Variants in ABHD12B observed in about 807,000 individuals in gnomAD.
The protein encoded by ABHD12B is abhydrolase domain containing 12B.
ABHD12B carries 42 observed loss-of-function variants against 50.4 expected under a neutral mutation model. The observed-to-expected ratio is 0.83, with a 90% CI of 0.65 to 1.08. ABHD12B has a LOEUF of 1.08. Among genes scored for constraint, ABHD12B ranks in the 50% least tolerant of loss-of-function variants. The pLI is 0.00. For synonymous variants in ABHD12B, 167 were observed against 160.3 expected, an observed-to-expected ratio of 1.04 and a Z score of -0.32; for missense variants, 479 against 447.7, an observed-to-expected ratio of 1.07 and a Z score of -0.63.
rs1757524786 is a variant in ABHD12B, at chr14:50,901,850, T to C, written c.802T>C (p.Phe268Leu). 1 of 1,593,844 alleles carries C rather than the reference T, an allele frequency of 6.3e-7. No homozygotes were observed. Among genetic ancestry groups the C allele is most frequent in the Non-Finnish European group, 8.5e-7 (1 of 1,174,422 alleles). Residue 268 changes from phenylalanine (F) to leucine (L), a missense_variant, in exon 10 of 13, where the codon TTT becomes CTT. By Grantham distance (22) the Phe-to-Leu change is conservative. Transcript: ENST00000337334. ...LLKIYRNIPG[F>L]LRTLMDALRK... ...ATAGATTTACCGGAACATTCCAGGATTTTTACGTACACTTATGGATGCCCT... is the reference window on the plus strand; with the variant it reads ...ATAGATTTACCGGAACATTCCAGGACTTTTACGTACACTTATGGATGCCCT...
chr14:50,887,699 A>G (rs1042858646), intron 8 of ABHD12B, among the ~76,000 whole-genome samples: 2 of 152,162 alleles, frequency 1.3e-5, no homozygotes, highest in Non-Finnish European at 2.9e-5. Flanking sequence ...TATGGTAGGG[A>G]CAGATCACCT....
At position 50,881,626 on chromosome 14, in the gene ABHD12B, G is replaced by A. The variant is rs781294981; in HGVS notation, c.486G>A (p.Lys162=). ...CTTCGCACAGACTGAAGCTGGTAAAGGTATGTCTGAAGAGGCCTCAAAGCA... is the reference window on the plus strand; with the variant it reads ...CTTCGCACAGACTGAAGCTGGTAAAAGTATGTCTGAAGAGGCCTCAAAGCA... ...RAASHRLKLV[K]VLSDGGFHVL... Residue 162 remains lysine, a splice_region_variant and synonymous_variant, in exon 5 of 13, where the codon AAG becomes AAA. Transcript: ENST00000337334. The A allele has an allele frequency of 1.9e-6, 3 of 1,606,356 alleles. No homozygotes were observed. The highest frequency in any genetic ancestry group is 4.5e-5 in the East Asian group (2 of 44,508).
At chr14:50,873,080 T>G (rs990484911) in intron 1 of ABHD12B, among the ~76,000 whole-genome samples, 3 of 152,158 alleles carry the variant, frequency 2.0e-5, no homozygotes, top group African/African-American at 7.2e-5. Flanking sequence ...GTATTGGCAT[T>G]TTTACTTCCC....
intron 5 of ABHD12B, among the ~76,000 whole-genome samples, chr14:50,884,702 C>T (rs2050009346): frequency 7.9e-6 from 1 of 126,594 alleles, no homozygotes; most frequent in Admixed American, 8.3e-5. Context: ...TGTATTTCTT[C>T]TTTTTTTTTT....
Position 50,872,211 on chromosome 14 carries a change from G to T in ABHD12B, c.37G>T (p.Glu13Ter), listed in dbSNP as rs1013016786. Residue 13 changes from glutamate to a stop codon, truncating the protein, a stop_gained, in exon 1 of 13, where the codon GAG becomes TAG. Transcript: ENST00000337334. LOFTEE classifies it high-confidence loss of function. ...GGACTGCCAGGCGGCCGCATCGCCCGAGCCGCCCGGGCCCCCAGCCCGTAG... is the reference window on the plus strand; with the variant it reads ...GGACTGCCAGGCGGCCGCATCGCCCTAGCCGCCCGGGCCCCCAGCCCGTAG... The part of the protein sequence containing the change: ...AQDCQAAASP[E>*]PPGPPARSCV... The T allele has an allele frequency of 7.3e-7, 1 of 1,378,842 alleles. No homozygotes were observed. Among genetic ancestry groups the T allele is most frequent in the Non-Finnish European group, 9.4e-7 (1 of 1,064,210 alleles). 85.4% of individuals were successfully genotyped at this position (1,378,842 alleles called of 1,614,324 possible). A position where few individuals can be genotyped will look rare whatever the true frequency, so the allele number is the denominator to read the frequency against.
At chr14:50,878,699 G>C in intron 2 of ABHD12B, 46 bp from the exon 3 acceptor site, 2 of 1,486,136 alleles carry the variant, frequency 1.3e-6, no homozygotes, top group Admixed American at 1.7e-5. Context: ...TGATTAAAAG[G>C]CATGGAATTT....
intron 10 of ABHD12B, 95 bp downstream of exon 10, chr14:50,902,006 C>A (rs2050265550): frequency 1.4e-6 from 1 of 729,070 alleles, no homozygotes; most frequent in South Asian, 2.3e-5. Context: ...CATGAGACAT[C>A]CTGAATATCA....
chr14:50,884,370 T>C (rs893890953), intron 5 of ABHD12B, among the ~76,000 whole-genome samples: 5 of 152,234 alleles, frequency 3.3e-5, no homozygotes, highest in Admixed American at 6.5e-5. Context: ...GTAACAGATA[T>C]GTAAAAGGTA....
intron 12 of ABHD12B, 51 bp from the exon 13 acceptor site, chr14:50,904,287 GC>G: frequency 6.2e-7 from 1 of 1,613,936 alleles, no homozygotes; most frequent in Non-Finnish European, 8.5e-7. Flanking sequence ...ATAATATTTT[GC>G]TTATTTAGGT....
At chr14:50,873,809 G>A (rs2049820957) in intron 1 of ABHD12B, among the ~76,000 whole-genome samples, 1 of 152,176 alleles carries the variant, frequency 6.6e-6, no homozygotes, top group African/African-American at 2.4e-5. Context: ...GAGAATCAAA[G>A]TTGCACATCA....
chr14:50,872,161 G>T lies in ABHD12B; in HGVS notation c.-14G>T, dbSNP rs982205822. The T allele has an allele frequency of 1.5e-6, 2 of 1,297,772 alleles. No homozygotes were observed. The highest frequency in any genetic ancestry group is 2.2e-5 in the South Asian group (1 of 46,318). 80.4% of individuals were successfully genotyped at this position (1,297,772 alleles called of 1,614,324 possible). A position where few individuals can be genotyped will look rare whatever the true frequency, so the allele number is the denominator to read the frequency against. On this transcript the variant is annotated 5_prime_UTR_variant, in exon 1 of 13. Transcript: ENST00000337334. ...CTCCCGCGGCGGTGGCGGCGTATCG[G>T]GACACGGCGCGGGATGGACGCGCAG...
intron 9 of ABHD12B, among the ~76,000 whole-genome samples, chr14:50,894,338 T>C (rs1337461068): frequency 6.6e-6 from 1 of 151,954 alleles, no homozygotes; most frequent in East Asian, 1.9e-4. Context: ...CCTAATCCCT[T>C]ATTTCCGTGC....
At chr14:50,872,462 C>T (rs985567796) in intron 1 of ABHD12B, among the ~76,000 whole-genome samples, 184 bp downstream of exon 1, 1 of 152,214 alleles carries the variant, frequency 6.6e-6, no homozygotes, top group Admixed American at 6.5e-5. Flanking sequence ...TTTGGTTGCC[C>T]TTGCTATCCT....
intron 4 of ABHD12B, 149 bp downstream of exon 4, chr14:50,880,720 C>T: frequency 2.2e-6 from 2 of 902,108 alleles, no homozygotes; most frequent in South Asian, 3.4e-5. Context: ...GGTGTTCTGG[C>T]AATAAGCTTC....
chr14:50,875,320 G>A (rs1179629552), intron 1 of ABHD12B, among the ~76,000 whole-genome samples: 5 of 152,226 alleles, frequency 3.3e-5, no homozygotes, highest in Non-Finnish European at 7.3e-5. Context: ...AACACATGTC[G>A]ACTGAGTGAA....
intron 9 of ABHD12B, 25 bp downstream of exon 9, chr14:50,888,928 A>G (rs950018909): frequency 1.9e-6 from 3 of 1,597,000 alleles, no homozygotes; most frequent in African/African-American, 2.7e-5. Flanking sequence ...CATCTTTACA[A>G]GGGATCAAAG....
chr14:50,900,020 T>C (rs1054542249), intron 9 of ABHD12B, among the ~76,000 whole-genome samples: 1 of 152,036 alleles, frequency 6.6e-6, no homozygotes, highest in Non-Finnish European at 1.5e-5. Flanking sequence ...AGAAGATGGC[T>C]TTGAGCCCAG....
intron 9 of ABHD12B, chr14:50,895,494 A>T (rs2050185501): frequency 1.3e-5 from 2 of 152,188 alleles, no homozygotes; most frequent in South Asian, 4.1e-4. Context: ...GCAGCCCGGG[A>T]TTCCTCCTAA....
At chr14:50,900,117 A>G (rs924023569) in intron 9 of ABHD12B, among the ~76,000 whole-genome samples, 1 of 151,968 alleles carries the variant, frequency 6.6e-6, no homozygotes, top group Non-Finnish European at 1.5e-5. Flanking sequence ...CTGTAGTCCC[A>G]GCTACTATGG....
Sources: allele counts gnomAD v4.1 joint callset (sites outside exome capture counted in the v4.1 genomes callset), GRCh38; gene constraint gnomAD v4.1.1; transcripts MANE v1.5; gene names NCBI Gene and HGNC (gene_info 2026-07-23, HGNC 2026-07-21).